The following TP53BP2 variants were observed in gnomAD, a reference collection of about 807,000 sequenced individuals.
The protein encoded by TP53BP2 is tumor protein p53 binding protein 2, also known as apoptosis-stimulating of p53 protein 2.
In TP53BP2, 62 loss-of-function variants were observed where a neutral mutation model predicts 126.2. The ratio of observed to expected loss-of-function variants is 0.49; its 90% CI spans 0.40 to 0.61. The LOEUF (loss-of-function observed/expected upper bound fraction) is 0.61. Among genes scored for constraint, TP53BP2 ranks in the 20% least tolerant of loss-of-function variants. The pLI is 0.00. For missense variants in TP53BP2, 1,215 were observed against 1,402.8 expected, an observed-to-expected ratio of 0.87 and a Z score of 2.14; for synonymous variants, 485 against 502.9, an observed-to-expected ratio of 0.96 and a Z score of 0.48.
At position 223,798,224 on chromosome 1, in the gene TP53BP2, A is replaced by C. The variant is rs1662399114; in HGVS notation, c.1939T>G (p.Phe647Val). Residue 647 changes from phenylalanine (F) to valine (V), a missense_variant, in exon 12 of 18, where the codon TTT becomes GTT. Physicochemically the swap from Phe to Val is conservative, Grantham distance 50 (BLOSUM62 -1). Coordinates refer to ENST00000343537, the MANE Select transcript of TP53BP2 (RefSeq NM_001031685.3). ...LTKTHTRGPH[F>V]SSVYGKPVIA... ...ACGTTAAGAACCTTACCACTTGAAA[A>C]GTGTGGCCCTCTGGTATGAGTCTTG... The C allele has an allele frequency of 6.2e-7, 1 of 1,611,766 alleles. No individual in the cohort carries two copies. Among genetic ancestry groups the C allele is most frequent in the Non-Finnish European group, 8.5e-7 (1 of 1,178,632 alleles).
chr1:223,824,309 T>C (rs1424671851), intron 1 of TP53BP2, among the ~76,000 whole-genome samples: 1 of 152,240 alleles, frequency 6.6e-6, no homozygotes, highest in Non-Finnish European at 1.5e-5. Context: ...ATGACAGATG[T>C]GTTCTATTTA....
Position 223,792,515 on chromosome 1 carries a change from T to TC in TP53BP2, c.2869dup (p.Asp957GlyfsTer7). ...GCCTTCATCATTGGGGAGGCTTGGG[T>TC]CATCAACCTATATCAAGAAGAAGGG... On this transcript the variant is annotated frameshift_variant, in exon 15 of 18. Transcript: ENST00000343537. LOFTEE classifies it high-confidence loss of function. 6.2e-7 allele frequency: 1 copy of TC among 1,613,880 alleles called. No homozygotes were observed. Among genetic ancestry groups the TC allele is most frequent in the Non-Finnish European group, 8.5e-7 (1 of 1,179,862 alleles).
intron 3 of TP53BP2, among the ~76,000 whole-genome samples, chr1:223,812,989 C>T (rs116426016): frequency 2.0e-4 from 30 of 152,322 alleles, no homozygotes; most frequent in Non-Finnish European, 2.5e-4. Context: ...TGAGCCACCG[C>T]GCTCAGCCAA....
chr1:223,807,314 G>A (rs149357727), intron 4 of TP53BP2, among the ~76,000 whole-genome samples: 20 of 152,234 alleles, frequency 1.3e-4, no homozygotes, highest in African/African-American at 4.8e-4. Context: ...GGCACTGGCA[G>A]CAAACCTAGA....
intron 5 of TP53BP2, among the ~76,000 whole-genome samples, chr1:223,804,783 A>T: frequency 6.6e-6 from 1 of 152,232 alleles, no homozygotes; most frequent in East Asian, 1.9e-4. Context: ...AACAAATTGC[A>T]TAACCTCACC....
chr1:223,825,026 AACACACACACACAC>A (rs3058420), intron 1 of TP53BP2, among the ~76,000 whole-genome samples: 4 of 143,470 alleles, frequency 2.8e-5, no homozygotes, highest in Admixed American at 2.1e-4. Context: ...TCCAACACCA[AACACACACACACAC>A]ACACACACAC....
At chr1:223,813,955 A>G (rs543338662) in intron 3 of TP53BP2, among the ~76,000 whole-genome samples, 2 of 152,334 alleles carry the variant, frequency 1.3e-5, no homozygotes, top group East Asian at 3.9e-4. Context: ...CCTCTTGTCT[A>G]AGAGGACTTT....
chr1:223,806,552 G>A (rs1013273078), intron 5 of TP53BP2, among the ~76,000 whole-genome samples: 24 of 152,228 alleles, frequency 1.6e-4, no homozygotes, highest in African/African-American at 4.1e-4. Flanking sequence ...AGCCGGGCAC[G>A]GGGGTTCACG....
chr1:223,812,298 A>T (rs1662936254), intron 3 of TP53BP2, among the ~76,000 whole-genome samples: 1 of 152,198 alleles, frequency 6.6e-6, no homozygotes, highest in African/African-American at 2.4e-5. Flanking sequence ...TCTGCCCCTC[A>T]GCTAACCCGT....
At chr1:223,800,114 T>C in intron 10 of TP53BP2, 67 bp from the exon 11 acceptor site, 1 of 1,463,946 alleles carries the variant, frequency 6.8e-7, no homozygotes, top group Non-Finnish European at 9.1e-7. Flanking sequence ...CACTCGTAAG[T>C]TTCTCTCCCC....
At chr1:223,794,978 A>G (rs1235450445) in intron 13 of TP53BP2, among the ~76,000 whole-genome samples, 3 of 152,238 alleles carry the variant, frequency 2.0e-5, no homozygotes, top group Non-Finnish European at 1.5e-5. Context: ...TTTTAAATTC[A>G]TAGTTCAGCA....
At chr1:223,806,759 G>C (rs914439929) in intron 5 of TP53BP2, 87 bp downstream of exon 5, 2 of 972,112 alleles carry the variant, frequency 2.1e-6, no homozygotes, top group Non-Finnish European at 3.2e-6. Flanking sequence ...AGGAGGCGGA[G>C]GTTGCAGTGA....
chr1:223,798,450 GT>G lies in TP53BP2; in HGVS notation c.1712del (p.Asp571AlafsTer67). 2 of 1,614,170 alleles carry G rather than the reference GT, an allele frequency of 1.2e-6. No homozygotes were observed. Among genetic ancestry groups the G allele is most frequent in the Non-Finnish European group, 1.7e-6 (2 of 1,180,038 alleles). ...LSPSIPSVGQ[D>X]QTLSPGSKQE... Reference sequence around the variant, plus strand: ...GCTTAGAACCTGGAGAAAGGGTCTGGTCTTGGCCAACCGAAGGTATGCTGGG... The same window carrying G: ...GCTTAGAACCTGGAGAAAGGGTCTGGCTTGGCCAACCGAAGGTATGCTGGG... On this transcript the variant is annotated frameshift_variant, in exon 12 of 18. Transcript: ENST00000343537. LOFTEE classifies it high-confidence loss of function.
chr1:223,781,216 G>A (rs941922909), intron 17 of TP53BP2, among the ~76,000 whole-genome samples: 2 of 152,130 alleles, frequency 1.3e-5, no homozygotes, highest in African/African-American at 4.8e-5. Flanking sequence ...TATGTAAATC[G>A]GCTCTAACAA....
At chr1:223,812,606 G>A (rs1662949541) in intron 3 of TP53BP2, among the ~76,000 whole-genome samples, 1 of 151,834 alleles carries the variant, frequency 6.6e-6, no homozygotes, top group Non-Finnish European at 1.5e-5. Context: ...GTGTCGCCAG[G>A]CTGCAGTGCG....
intron 1 of TP53BP2, among the ~76,000 whole-genome samples, chr1:223,829,451 A>AT (rs1663619789): frequency 6.6e-6 from 1 of 152,228 alleles, no homozygotes; most frequent in African/African-American, 2.4e-5. Context: ...AATAGTAAGC[A>AT]TAAGGAAATA....
intron 17 of TP53BP2, among the ~76,000 whole-genome samples, chr1:223,782,111 T>G (rs995646342): frequency 2.6e-5 from 4 of 152,234 alleles, no homozygotes; most frequent in African/African-American, 9.7e-5. Context: ...TAATGTATTA[T>G]ATACTTGAAA....
At chr1:223,785,615 T>C (rs769936399) in intron 16 of TP53BP2, among the ~76,000 whole-genome samples, 26 of 152,190 alleles carry the variant, frequency 1.7e-4, no homozygotes, top group Non-Finnish European at 2.8e-4. Context: ...ATAGAATTCC[T>C]GGGCTCAGGA....
intron 2 of TP53BP2, chr1:223,818,125 T>G (rs1663156829): frequency 6.6e-6 from 1 of 152,566 alleles, no homozygotes; most frequent in Non-Finnish European, 1.5e-5. Flanking sequence ...GAGAATTATC[T>G]GGCTAAAATC....
Sources: gnomAD v4.1 joint callset for allele counts (sites outside exome capture counted in the v4.1 genomes callset) on GRCh38, gnomAD v4.1.1 for gene constraint, MANE v1.5 for transcripts, NCBI Gene and HGNC (gene_info 2026-07-23, HGNC 2026-07-21) for gene names.